The following ATL3 variants were observed in gnomAD, a reference collection of about 807,000 sequenced individuals.
The protein encoded by ATL3 is atlastin-3.
In ATL3, 49 loss-of-function variants were observed where a neutral mutation model predicts 69.5. That is an observed-to-expected ratio of 0.71 (90% CI 0.56 to 0.89). The LOEUF is 0.89. Among genes scored for constraint, ATL3 ranks in the 40% least tolerant of loss-of-function variants. ATL3 has a pLI of 0.00. For synonymous variants in ATL3, 214 were observed against 224.1 expected (o/e 0.95, Z 0.40); for missense variants, 606 against 645.7 (o/e 0.94, Z 0.67).
At chr11:63,637,457 G>A (rs2134475774) in intron 8 of ATL3, among the ~76,000 whole-genome samples, 1 of 152,098 alleles carries the variant, frequency 6.6e-6, no homozygotes, top group South Asian at 2.1e-4. Flanking sequence ...AAGTACCTGT[G>A]CCTCATTATA....
intron 1 of ATL3, among the ~76,000 whole-genome samples, chr11:63,660,673 G>C (rs1266541451): frequency 6.6e-6 from 1 of 152,168 alleles, no homozygotes; most frequent in South Asian, 2.1e-4. Flanking sequence ...GGAGAGCTGA[G>C]GCAGGAGGAT....
intron 8 of ATL3, among the ~76,000 whole-genome samples, chr11:63,637,522 C>T (rs987816557): frequency 6.6e-6 from 1 of 152,152 alleles, no homozygotes; most frequent in Non-Finnish European, 1.5e-5. Flanking sequence ...AATGAAAAGA[C>T]CACTAACTCA....
At position 63,652,511 on chromosome 11, in the gene ATL3, GCA is replaced by G; in HGVS notation, c.468_469del (p.Ala157TyrfsTer10). 2 of 1,611,134 alleles carry G rather than the reference GCA, an allele frequency of 1.2e-6. No homozygotes were observed. The highest frequency in any genetic ancestry group is 1.1e-5 in the South Asian group (1 of 90,608). On this transcript the variant is annotated frameshift_variant, in exon 4 of 13. Coordinates refer to ENST00000398868, the MANE Select transcript of ATL3 (RefSeq NM_015459.5). LOFTEE classifies it high-confidence loss of function. ...CATAGTGCTTAGAGCAAAGATGGTA[GCA>G]CAGTCTTTCACAGTTGACTGGCTGT...
chr11:63,644,096 C>T (rs989090570), intron 7 of ATL3, 73 bp downstream of exon 7: 4 of 990,860 alleles, frequency 4.0e-6, no homozygotes, highest in Non-Finnish European at 6.3e-6. Flanking sequence ...GCTTTAAACA[C>T]AATAGCCAAA....
chr11:63,669,677 T>C lies in ATL3; in HGVS notation c.46+1613A>G, dbSNP rs140903921. The stretch of plus-strand genomic sequence containing the variant: ...ACAATAATGGGCCGGGCACGATGGC[T>C]CACGCCTGTAATCCCAGTACTTGGG... On this transcript the variant is annotated intron_variant, in intron 1 of 12. Coordinates refer to ENST00000398868, the MANE Select transcript of ATL3 (RefSeq NM_015459.5). Among the ~76,000 whole-genome samples, 739 of 152,162 alleles carry C rather than the reference T, an allele frequency of 4.9e-3. 7 individuals are homozygous for C. Among genetic ancestry groups the C allele is most frequent in the African/African-American group, 0.017 (719 of 41,504 alleles).
chr11:63,662,212 C>CA (rs1228390912), intron 1 of ATL3, among the ~76,000 whole-genome samples: 3,247 of 84,450 alleles, frequency 0.038, 63 homozygotes, highest in African/African-American at 0.086. Context: ...GACTCTATCT[C>CA]AAAAAAAAAA....
intron 8 of ATL3, among the ~76,000 whole-genome samples, chr11:63,641,695 T>C (rs1444439735): frequency 6.6e-6 from 1 of 152,194 alleles, no homozygotes. Flanking sequence ...GGAATAAATT[T>C]CCGTTGTCTT....
intron 1 of ATL3, 121 bp downstream of exon 1, chr11:63,671,169 G>C (rs1184846493): frequency 7.1e-7 from 1 of 1,406,684 alleles, no homozygotes; most frequent in Non-Finnish European, 9.3e-7. Flanking sequence ...GGCGAGGGAC[G>C]CGCGGTCCCA....
chr11:63,663,359 G>T (rs540819125), intron 1 of ATL3, among the ~76,000 whole-genome samples: 1 of 152,038 alleles, frequency 6.6e-6, no homozygotes, highest in South Asian at 2.1e-4. Context: ...GGGCTCTAGT[G>T]ATCCTCTCAC....
At chr11:63,642,112 T>A (rs1939719560) in intron 8 of ATL3, among the ~76,000 whole-genome samples, 1 of 152,162 alleles carries the variant, frequency 6.6e-6, no homozygotes, top group Non-Finnish European at 1.5e-5. Flanking sequence ...CTCTCCCTAC[T>A]CAGCTCTGAA....
intron 3 of ATL3, among the ~76,000 whole-genome samples, chr11:63,653,362 G>A (rs1444117568): frequency 5.3e-5 from 8 of 152,064 alleles, no homozygotes; most frequent in Non-Finnish European, 7.4e-5. Flanking sequence ...CTACTCCAGA[G>A]GTTGAGGCAG....
chr11:63,653,448 G>C (rs1038764583), intron 3 of ATL3, among the ~76,000 whole-genome samples: 4 of 151,606 alleles, frequency 2.6e-5, no homozygotes, highest in African/African-American at 7.3e-5. Flanking sequence ...CTGGGTGAGA[G>C]AGCGAGATTT....
chr11:63,671,392 G>A (rs113208177), upstream of ATL3: 45 of 1,536,162 alleles, frequency 2.9e-5, no homozygotes, highest in African/African-American at 5.2e-4. Context: ...GGACGGGTGC[G>A]GGCGGGAACG....
At position 63,624,361 on chromosome 11, in the gene ATL3, C is replaced by T. The variant is rs1939034619; in HGVS notation, c.*4958G>A. 1 of 152,138 alleles carries T rather than the reference C, an allele frequency of 6.6e-6. No homozygotes were observed. The highest frequency in any genetic ancestry group is 1.5e-5 in the Non-Finnish European group (1 of 68,012). 9.4% of individuals were successfully genotyped at this position (152,138 alleles called of 1,614,324 possible). ...TGACAGCATGTATCTAATTAGAAAG[C>T]TATGGGAATCAATGCTACCTTCCCT... is the stretch of plus-strand genomic sequence containing the variant. On this transcript the variant is annotated 3_prime_UTR_variant, in exon 13 of 13. Coordinates refer to ENST00000398868, the MANE Select transcript of ATL3 (RefSeq NM_015459.5).
rs1481114561 is a variant in ATL3, at chr11:63,659,241, C to A, written c.58G>T (p.Glu20Ter). 3 of 1,613,936 alleles carry A rather than the reference C, an allele frequency of 1.9e-6. No individual in the cohort carries two copies. In the South Asian group the frequency reaches 3.3e-5, roughly 18 times the overall value. The change falls in exon 2 of 13, where the codon GAG (glutamate) becomes TAG (stop). Residue 20 changes from glutamate to a stop codon, truncating the protein, a stop_gained. Coordinates refer to ENST00000398868, the MANE Select transcript of ATL3 (RefSeq NM_015459.5). LOFTEE classifies it high-confidence loss of function. ...AASRGADDAM[E>*]SSKPGPVQVV... is the part of the protein sequence containing the mutation. ...TGCACTGGACCAGGCTTGCTGCTCT[C>A]CATGGCATCATCTATGTTCATGCAG...
chr11:63,634,098 G>A (rs1172977627), intron 10 of ATL3, among the ~76,000 whole-genome samples: 1 of 146,006 alleles, frequency 6.8e-6, no homozygotes, highest in Non-Finnish European at 1.5e-5. Context: ...TGTAATCCCA[G>A]CACTTTGAGA....
In ATL3 at chr11:63,628,949, A is replaced by C. The variant is rs1939212828; in HGVS notation, c.*370T>G. The stretch of plus-strand genomic sequence containing the variant: ...TGAGGTTATCCTCCATCCCCTCCCC[A>C]TCGTGTGTGCAAAACCATGGAATCA... On this transcript the variant is annotated 3_prime_UTR_variant, in exon 13 of 13. Coordinates refer to ENST00000398868, the MANE Select transcript of ATL3 (RefSeq NM_015459.5). The C allele has an allele frequency of 2.1e-5, 4 of 189,016 alleles. No homozygotes were observed. The highest frequency in any genetic ancestry group is 4.4e-5 in the Non-Finnish European group (4 of 91,356). 11.7% of individuals were successfully genotyped at this position (189,016 alleles called of 1,614,324 possible). A position where few individuals can be genotyped will look rare whatever the true frequency, so the allele number is the denominator to read the frequency against.
intron 3 of ATL3, among the ~76,000 whole-genome samples, chr11:63,658,484 T>A (rs1940326213): frequency 1.3e-5 from 2 of 152,128 alleles, no homozygotes; most frequent in Non-Finnish European, 2.9e-5. Flanking sequence ...TTAGCAAAAA[T>A]GTTTTTCCAG....
intron 10 of ATL3, among the ~76,000 whole-genome samples, chr11:63,634,627 G>GA (rs1454876098): frequency 6.6e-6 from 1 of 152,148 alleles, no homozygotes; most frequent in East Asian, 1.9e-4. Flanking sequence ...TTCAACATAT[G>GA]AAAGTCAAAA....
Sources: gnomAD v4.1 joint callset for allele counts (sites outside exome capture counted in the v4.1 genomes callset) on GRCh38, gnomAD v4.1.1 for gene constraint, MANE v1.5 for transcripts, NCBI Gene and HGNC (gene_info 2026-07-23, HGNC 2026-07-21) for gene names.